MED13L: variants seen among roughly 807,000 people sequenced by gnomAD.
The protein encoded by MED13L is mediator complex subunit 13L.
In MED13L, 7 loss-of-function variants were observed where a neutral mutation model predicts 220.9. The ratio of observed to expected loss-of-function variants is 0.03; its 90% confidence interval spans 0.02 to 0.06. The LOEUF (loss-of-function observed/expected upper bound fraction) is 0.06, where lower values mean the gene tolerates loss of function less well. Ranked by LOEUF, MED13L falls within the 10% of genes least tolerant of loss-of-function variation. MED13L has a pLI of 1.00. For synonymous variants in MED13L, 1,011 were observed against 1,015.2 expected (o/e 1.00, Z 0.08); for missense variants, 1,965 against 2,760.5 (o/e 0.71, Z 6.46).
intron 6 of MED13L, 30 bp downstream of exon 6, chr12:116,019,748 A>G: frequency 6.3e-7 from 1 of 1,586,446 alleles, no homozygotes; most frequent in Non-Finnish European, 8.7e-7. Context: ...AAGAAGAATA[A>G]AGTTCTTCAG....
intron 2 of MED13L, among the ~76,000 whole-genome samples, chr12:116,157,651 G>T (rs1358597996): frequency 1.3e-5 from 2 of 152,196 alleles, no homozygotes; most frequent in African/African-American, 2.4e-5. Context: ...AATATCTGTT[G>T]AATAGTGAAG....
At chr12:116,029,689 C>T (rs1592964088) in intron 4 of MED13L, among the ~76,000 whole-genome samples, 1 of 152,046 alleles carries the variant, frequency 6.6e-6, no homozygotes, top group South Asian at 2.1e-4. Context: ...GAAAAGTAAT[C>T]AATCATGAAC....
At chr12:116,084,004 A>G (rs1308212218) in intron 4 of MED13L, among the ~76,000 whole-genome samples, 3 of 152,234 alleles carry the variant, frequency 2.0e-5, no homozygotes, top group Non-Finnish European at 4.4e-5. Context: ...TGAATTTTAT[A>G]GCAAGTCAAA....
In MED13L at chr12:116,008,493, G is replaced by A; in HGVS notation, c.1920C>T (p.Pro640=). 1 of 1,613,744 alleles carries A rather than the reference G, an allele frequency of 6.2e-7. No homozygotes were observed. Among genetic ancestry groups the A allele is most frequent in the African/African-American group, 1.3e-5 (1 of 75,032 alleles). ...EKWWHSYRLP[P]SDDAEFRPPE... is the part of the protein sequence containing the mutation. ...GAGGCCTGAACTCAGCATCATCACT[G>A]GGTGGGAGACGATAACTATGCCACC... is the stretch of plus-strand genomic sequence containing the variant. The change falls in exon 10 of 31, where the codon CCC becomes CCT. Residue 640 remains proline (P), a synonymous_variant. Coordinates refer to ENST00000281928, the MANE Select transcript of MED13L (RefSeq NM_015335.5).
intron 2 of MED13L, 49 bp from the exon 3 acceptor site, chr12:116,111,561 T>C (rs1447055020): frequency 1.4e-6 from 2 of 1,420,170 alleles, no homozygotes. Flanking sequence ...AAAAAGGACA[T>C]CCAAATAAAA....
chr12:116,207,517 C>T (rs1306884641), intron 2 of MED13L, among the ~76,000 whole-genome samples: 3 of 152,134 alleles, frequency 2.0e-5, no homozygotes, highest in Non-Finnish European at 4.4e-5. Flanking sequence ...TTAAGCGACA[C>T]ATTGCTGTAT....
intron 25 of MED13L, among the ~76,000 whole-genome samples, chr12:115,972,719 G>C (rs1257309784): frequency 6.6e-6 from 1 of 152,208 alleles, no homozygotes; most frequent in East Asian, 1.9e-4. Flanking sequence ...AAGAGAAATA[G>C]TTCTTAGAAC....
At chr12:116,146,441 C>CTT (rs59659609) in intron 2 of MED13L, among the ~76,000 whole-genome samples, 3 of 145,100 alleles carry the variant, frequency 2.1e-5, no homozygotes, top group Non-Finnish European at 3.0e-5. Context: ...TTGTTTTTTC[C>CTT]TTTTTTTTTT....
intron 7 of MED13L, among the ~76,000 whole-genome samples, chr12:116,018,055 C>T (rs962968240): frequency 3.3e-5 from 5 of 151,846 alleles, no homozygotes; most frequent in East Asian, 1.9e-4. Flanking sequence ...TGCTAAACTT[C>T]GAGTTTTGAA....
intron 1 of MED13L, chr12:116,276,711 G>A (rs1188266899): frequency 5.3e-6 from 5 of 944,048 alleles, no homozygotes; most frequent in South Asian, 3.6e-5. Flanking sequence ...CCACATTTAC[G>A]GGGGGAAAAA....
chr12:116,163,631 G>C (rs1425179253), intron 2 of MED13L, among the ~76,000 whole-genome samples: 1 of 152,028 alleles, frequency 6.6e-6, no homozygotes, highest in African/African-American at 2.4e-5. Flanking sequence ...CCAAAGTGCT[G>C]GGATTACACT....
At chr12:116,206,074 CTTT>C (rs1160337465) in intron 2 of MED13L, among the ~76,000 whole-genome samples, 11 of 87,186 alleles carry the variant, frequency 1.3e-4, no homozygotes, top group East Asian at 3.7e-4. Context: ...GTATTATTAC[CTTT>C]TTTTTTTTTT....
intron 30 of MED13L, among the ~76,000 whole-genome samples, chr12:115,962,029 A>G (rs565542379): frequency 1.3e-5 from 2 of 152,308 alleles, no homozygotes; most frequent in East Asian, 3.9e-4. Context: ...GAATATTTTT[A>G]TATTGTTACA....
intron 1 of MED13L, among the ~76,000 whole-genome samples, chr12:116,246,855 T>G (rs973488210): frequency 5.4e-3 from 93 of 17,162 alleles, no homozygotes; most frequent in South Asian, 8.8e-3. Flanking sequence ...AGGAGGGAGG[T>G]GGGGAGGTGG....
intron 1 of MED13L, among the ~76,000 whole-genome samples, chr12:116,238,867 C>A (rs1036494236): frequency 6.6e-6 from 1 of 152,110 alleles, no homozygotes; most frequent in Middle Eastern, 3.2e-3. Context: ...GAGGCCTAGG[C>A]GGGCAGATCA....
intron 4 of MED13L, among the ~76,000 whole-genome samples, chr12:116,029,854 T>C (rs984921688): frequency 6.6e-6 from 1 of 152,180 alleles, no homozygotes; most frequent in Non-Finnish European, 1.5e-5. Context: ...GTATCCTCTT[T>C]CCATGAATAC....
At chr12:115,963,756 ACATT>A (rs908461094) in intron 29 of MED13L, among the ~76,000 whole-genome samples, 1 of 152,184 alleles carries the variant, frequency 6.6e-6, no homozygotes, top group African/African-American at 2.4e-5. Flanking sequence ...TTTGTCTACT[ACATT>A]TTGTTTCTTC....
intron 2 of MED13L, among the ~76,000 whole-genome samples, chr12:116,197,697 G>A (rs1406684998): frequency 1.3e-5 from 2 of 151,848 alleles, no homozygotes; most frequent in Non-Finnish European, 2.9e-5. Context: ...CCCAGGATTC[G>A]GAGGTTGTGG....
chr12:116,057,384 C>A (rs1170214790), intron 4 of MED13L, among the ~76,000 whole-genome samples: 1 of 152,026 alleles, frequency 6.6e-6, no homozygotes, highest in Non-Finnish European at 1.5e-5. Context: ...AAAACTCTAT[C>A]TAGCGTATTA....
Sources: allele counts gnomAD v4.1 joint callset (sites outside exome capture counted in the v4.1 genomes callset), GRCh38; gene constraint gnomAD v4.1.1; transcripts MANE v1.5; gene names NCBI Gene and HGNC (gene_info 2026-07-23, HGNC 2026-07-21).